The following ALMS1 variants were observed in gnomAD, a reference collection of about 807,000 sequenced individuals.
ALMS1 encodes the protein ALMS1 centrosome and basal body associated protein, also known as centrosome-associated protein ALMS1.
ALMS1 carries 271 observed loss-of-function variants against 352.2 expected under a neutral mutation model. The observed-to-expected ratio is 0.77, with a 90% CI of 0.70 to 0.85. The LOEUF is 0.85. Among genes scored for constraint, ALMS1 ranks in the 40% least tolerant of loss-of-function variants. The probability of loss-of-function intolerance (pLI) is 0.00; values close to 1 mark genes in which losing one functional copy is unlikely to be tolerated. For synonymous variants in ALMS1, 1,865 were observed against 1,761.2 expected (o/e 1.06, Z -1.48); for missense variants, 5,445 against 4,870.7 (o/e 1.12, Z -3.51).
chr2:73,573,501 GA>G lies in ALMS1; in HGVS notation c.11547+84del, dbSNP rs903514770. The G allele has an allele frequency of 5.3e-6, 8 of 1,497,662 alleles. No individual in the cohort carries two copies. In the African/African-American group the frequency reaches 9.7e-5, roughly 18 times the overall value. The allele number at this position is 1,497,662 out of a possible 1,614,324, so 92.8% of individuals were successfully genotyped here. ...TTTTAGTTAAGCTTTGCACACAGGT[GA>G]AAAAAACAAGCCATTTGCCCTTTCC... On this transcript the variant is annotated intron_variant, in intron 16 of 22. Coordinates refer to ENST00000613296, the MANE Select transcript of ALMS1 (RefSeq NM_001378454.1).
At position 73,490,686 on chromosome 2, in the gene ALMS1, ACAT is replaced by A. The variant is rs1410217602; in HGVS notation, c.8730_8732del (p.His2910del). 1.1e-5 allele frequency: 17 copies of A among 1,614,030 alleles called. No individual in the cohort carries two copies. Among genetic ancestry groups the A allele is most frequent in the African/African-American group, 4.0e-5 (3 of 74,906 alleles). On this transcript the variant is annotated inframe_deletion, in exon 10 of 23. Transcript: ENST00000613296. ...GGAAACACCATTCTCCCTCTCCTCA[ACAT>A]CAGGATTATGTAGCTCCAGACCTTC...
intron 13 of ALMS1, among the ~76,000 whole-genome samples, 186 bp from the exon 14 acceptor site, chr2:73,557,034 A>G (rs897445124): frequency 1.3e-5 from 2 of 152,142 alleles, no homozygotes; most frequent in African/African-American, 4.8e-5. Context: ...CTGTTGTTGT[A>G]CACAGTAAAG....
intron 9 of ALMS1, among the ~76,000 whole-genome samples, chr2:73,479,886 C>T (rs992475698): frequency 6.6e-6 from 1 of 152,058 alleles, no homozygotes; most frequent in Non-Finnish European, 1.5e-5. Flanking sequence ...GCATTTGATA[C>T]TGTCACTATT....
intron 2 of ALMS1, 115 bp downstream of exon 2, chr2:73,408,862 G>GTTT (rs1300532075): frequency 4.8e-4 from 85 of 178,096 alleles, no homozygotes; most frequent in East Asian, 1.7e-3. Flanking sequence ...ATGTTTTCTT[G>GTTT]TCTTTTTTTT....
Position 73,451,801 on chromosome 2 carries a change from C to G in ALMS1, c.5274C>G (p.Phe1758Leu). ...GGTTATCTACTGTAACTTCCTCTTTCTATTCACATACAGAGAAGCCTAATA... is the reference window on the plus strand; with the variant it reads ...GGTTATCTACTGTAACTTCCTCTTTGTATTCACATACAGAGAAGCCTAATA... ...KTGLSTVTSS[F>L]YSHTEKPNIS... is the part of the protein sequence containing the mutation. Residue 1758 changes from phenylalanine (F) to leucine (L), a missense_variant, in exon 8 of 23, where the codon TTC (phenylalanine) becomes TTG (leucine). By Grantham distance (22) the Phe-to-Leu change is conservative. Coordinates refer to ENST00000613296, the MANE Select transcript of ALMS1 (RefSeq NM_001378454.1). The G allele has an allele frequency of 6.2e-7, 1 of 1,614,110 alleles. No homozygotes were observed. Among genetic ancestry groups the G allele is most frequent in the South Asian group, 1.1e-5 (1 of 91,080 alleles).
intron 10 of ALMS1, among the ~76,000 whole-genome samples, chr2:73,494,649 T>C (rs1019942756): frequency 6.6e-6 from 1 of 152,214 alleles, no homozygotes; most frequent in African/African-American, 2.4e-5. Context: ...GCTTCTTCAA[T>C]TTAGCATTGT....
rs912853018 is a variant in ALMS1, at chr2:73,572,934, A to T, written c.11057A>T (p.His3686Leu). 17 of 1,614,064 alleles carry T rather than the reference A, an allele frequency of 1.1e-5. No homozygotes were observed. The Admixed American group carries it at 2.2e-4, about 21-fold the overall frequency. Residue 3686 changes from histidine (H) to leucine (L), a missense_variant, in exon 16 of 23, where the codon CAT becomes CTT. Physicochemically the swap from His to Leu is moderately conservative, Grantham distance 99. Transcript: ENST00000613296. ...KKRFKSLEKS[H>L]KNTGELKKSK... ...CGGTTTAAAAGCCTAGAGAAAAGCC[A>T]TAAAAATACAGGCGAGCTTAAAAAA...
intron 22 of ALMS1, 42 bp from the exon 23 acceptor site, chr2:73,609,526 A>G: frequency 1.9e-6 from 3 of 1,601,182 alleles, no homozygotes; most frequent in Non-Finnish European, 2.6e-6. Flanking sequence ...CTCTGATGGC[A>G]GTAATATCTA....
chr2:73,536,018 A>G (rs1489105760), intron 12 of ALMS1, among the ~76,000 whole-genome samples: 3 of 152,150 alleles, frequency 2.0e-5, no homozygotes, highest in African/African-American at 7.2e-5. Flanking sequence ...TCCCACAATG[A>G]TGGCATTGAA....
chr2:73,389,888 C>T (rs1252421118), intron 1 of ALMS1, among the ~76,000 whole-genome samples: 1 of 152,104 alleles, frequency 6.6e-6, no homozygotes, highest in East Asian at 1.9e-4. Flanking sequence ...TGGGGTTTCA[C>T]CATGTTGGCC....
At chr2:73,501,476 A>T (rs1299891010) in intron 10 of ALMS1, among the ~76,000 whole-genome samples, 1 of 152,014 alleles carries the variant, frequency 6.6e-6, no homozygotes, top group Admixed American at 6.6e-5. Flanking sequence ...CTGTTTCCAA[A>T]TTCTCCTTTG....
chr2:73,548,560 G>T (rs1359172873), intron 12 of ALMS1, among the ~76,000 whole-genome samples: 1 of 152,196 alleles, frequency 6.6e-6, no homozygotes, highest in Non-Finnish European at 1.5e-5. Context: ...GACTGTGCGT[G>T]CACATGCTGC....
At chr2:73,467,179 C>T (rs1256478431) in intron 9 of ALMS1, among the ~76,000 whole-genome samples, 2 of 152,054 alleles carry the variant, frequency 1.3e-5, no homozygotes, top group Admixed American at 1.3e-4. Context: ...AATCAAAAGG[C>T]AGCATGAAGA....
At position 73,588,861 on chromosome 2, in the gene ALMS1, C is replaced by T. The variant is rs543130238; in HGVS notation, c.11548-10540C>T. Among the ~76,000 whole-genome samples the T allele has an allele frequency of 2.6e-5, 4 of 152,266 alleles. No individual in the cohort carries two copies. In the East Asian group the frequency reaches 7.7e-4, roughly 29 times the overall value. ...TATTTTTGTAAAATGGAGTTCATATCAGACTTTACATGCCTATATACGAAG... is the reference window on the plus strand; with the variant it reads ...TATTTTTGTAAAATGGAGTTCATATTAGACTTTACATGCCTATATACGAAG... On this transcript the variant is annotated intron_variant, in intron 16 of 22. Transcript: ENST00000613296.
chr2:73,599,648 C>G (rs1675630692), intron 17 of ALMS1, 127 bp downstream of exon 17: 3 of 1,178,682 alleles, frequency 2.5e-6, no homozygotes, highest in Non-Finnish European at 3.7e-6. Context: ...CAATTTTCAT[C>G]TTGTCAGATT....
chr2:73,554,535 C>T (rs1674502632), intron 13 of ALMS1, among the ~76,000 whole-genome samples: 2 of 150,888 alleles, frequency 1.3e-5, no homozygotes, highest in Non-Finnish European at 2.9e-5. Flanking sequence ...GAAACCCCGT[C>T]TCTACTAAAA....
At chr2:73,549,609 C>T (rs141998371) in intron 12 of ALMS1, among the ~76,000 whole-genome samples, 2 of 152,286 alleles carry the variant, frequency 1.3e-5, no homozygotes, top group Non-Finnish European at 2.9e-5. Flanking sequence ...TTTCTTCCTT[C>T]CTCTCTATAT....
chr2:73,453,525 A>G lies in ALMS1; in HGVS notation c.6998A>G (p.Gln2333Arg), dbSNP rs747481372. Residue 2333 changes from glutamine (Q) to arginine (R), a missense_variant, in exon 8 of 23, where the codon CAG becomes CGG. Gln to Arg is a conservative substitution (Grantham distance 43). Coordinates refer to ENST00000613296, the MANE Select transcript of ALMS1 (RefSeq NM_001378454.1). ...TEESPSSRCI[Q>R]KDIGTQTNLK... ...GAAAGCCCAAGCAGCAGGTGCATAC[A>G]GAAGGATATTGGCACACAGACGAAT... is the stretch of plus-strand genomic sequence containing the variant. The G allele has an allele frequency of 6.2e-7, 1 of 1,613,890 alleles. No homozygotes were observed. The highest frequency in any genetic ancestry group is 8.5e-7 in the Non-Finnish European group (1 of 1,179,982).
intron 2 of ALMS1, among the ~76,000 whole-genome samples, chr2:73,411,736 A>C (rs544440000): frequency 6.6e-6 from 1 of 152,076 alleles, no homozygotes; most frequent in African/African-American, 2.4e-5. Context: ...CTCTTGCTAC[A>C]TTGTCTTCCT....
Sources: gnomAD v4.1 joint callset for allele counts (sites outside exome capture counted in the v4.1 genomes callset) on GRCh38, gnomAD v4.1.1 for gene constraint, MANE v1.5 for transcripts, NCBI Gene and HGNC (gene_info 2026-07-23, HGNC 2026-07-21) for gene names.